MMS22L: variants seen among roughly 807,000 people sequenced by gnomAD.
The protein encoded by MMS22L is MMS22 like, DNA repair protein, also known as protein MMS22-like.
MMS22L carries 74 observed loss-of-function variants against 159.1 expected under a neutral mutation model. The ratio of observed to expected loss-of-function variants is 0.47; its 90% CI spans 0.39 to 0.56. The LOEUF is 0.56. Ranked by LOEUF, MMS22L falls within the 20% of genes least tolerant of loss-of-function variation. MMS22L has a pLI of 0.00. For synonymous variants in MMS22L, 517 were observed against 506.9 expected, an observed-to-expected ratio of 1.02 and a Z score of -0.27; for missense variants, 1,351 against 1,422.1, an observed-to-expected ratio of 0.95 and a Z score of 0.80.
chr6:97,152,690 G>A lies in MMS22L; in HGVS notation c.3386-823C>T, dbSNP rs1801432381. 2.6e-5 allele frequency among the ~76,000 whole-genome samples: 4 copies of A among 152,040 alleles called. No homozygotes were observed. The South Asian group carries it at 8.3e-4, about 32-fold the overall frequency. On this transcript the variant is annotated intron_variant, in intron 22 of 24. Coordinates refer to ENST00000683635, the MANE Select transcript of MMS22L (RefSeq NM_001350599.2). ...AGGTAGTAGAGAATGTTTTCCATGC[G>A]ATGAGGCTCGTGGCTAAGGAACACA...
intron 14 of MMS22L, among the ~76,000 whole-genome samples, chr6:97,198,532 G>C (rs922169581): frequency 2.0e-5 from 3 of 152,108 alleles, no homozygotes; most frequent in Admixed American, 2.0e-4. Flanking sequence ...GCTCTAAAGG[G>C]CATATAAGAA....
chr6:97,216,121 T>C (rs936576889), intron 14 of MMS22L, among the ~76,000 whole-genome samples: 2 of 152,164 alleles, frequency 1.3e-5, no homozygotes, highest in African/African-American at 2.4e-5. Context: ...CTGCTTCCCA[T>C]AAACAATATG....
intron 15 of MMS22L, among the ~76,000 whole-genome samples, chr6:97,183,508 T>C (rs980147862): frequency 6.6e-6 from 1 of 152,166 alleles, no homozygotes; most frequent in Non-Finnish European, 1.5e-5. Flanking sequence ...AGCATTCCTA[T>C]GACATTTCCC....
intron 4 of MMS22L, among the ~76,000 whole-genome samples, chr6:97,277,862 T>C (rs1816390934): frequency 6.6e-6 from 1 of 152,198 alleles, no homozygotes; most frequent in Non-Finnish European, 1.5e-5. Context: ...CATAATCTAA[T>C]AAACCTCTGT....
Position 97,186,496 on chromosome 6 carries a change from C to A in MMS22L, c.2233+1G>T. 6.2e-7 allele frequency: 1 copy of A among 1,610,440 alleles called. No individual in the cohort carries two copies. The highest frequency in any genetic ancestry group is 8.5e-7 in the Non-Finnish European group (1 of 1,178,488). The stretch of plus-strand genomic sequence containing the variant: ...TTAGCAAATTAATAATTAATGCTGA[C>A]CTGCAGCTGCATCCGCAAGTTGTGA... On this transcript the variant is annotated splice_donor_variant, in intron 15 of 24. Coordinates refer to ENST00000683635, the MANE Select transcript of MMS22L (RefSeq NM_001350599.2). LOFTEE classifies it high-confidence loss of function.
chr6:97,202,342 T>C (rs1266305855), intron 14 of MMS22L, among the ~76,000 whole-genome samples: 1 of 152,168 alleles, frequency 6.6e-6, no homozygotes, highest in Non-Finnish European at 1.5e-5. Flanking sequence ...CTCTATCCAC[T>C]TGCCTGAGAT....
chr6:97,271,494 A>G (rs1256088006), intron 6 of MMS22L: 1 of 152,116 alleles, frequency 6.6e-6, no homozygotes, highest in Non-Finnish European at 1.5e-5. Context: ...TCAACAATCT[A>G]CTCATGAATC....
At chr6:97,147,180 A>G (rs1447011232) in intron 24 of MMS22L, among the ~76,000 whole-genome samples, 2 of 152,180 alleles carry the variant, frequency 1.3e-5, no homozygotes, top group Non-Finnish European at 2.9e-5. Context: ...AATAAAATGC[A>G]TTCATGGAAT....
At chr6:97,275,251 G>A (rs1323433602) in intron 4 of MMS22L, among the ~76,000 whole-genome samples, 2 of 152,156 alleles carry the variant, frequency 1.3e-5, no homozygotes, top group Non-Finnish European at 2.9e-5. Context: ...ATTATTGGCC[G>A]GGCATGGTGG....
Position 97,281,262 on chromosome 6 carries a change from A to G in MMS22L, c.265T>C (p.Ser89Pro). Residue 89 changes from serine (S) to proline (P), a missense_variant, in exon 3 of 25, where the codon TCT (serine) becomes CCT (proline). Transcript: ENST00000683635. ...WVTETALVNS[S>P]RELFHLFRQQ... ...CTGAATAAATGAAAGAGTTCTCTAG[A>G]TGAATTCACTAATGCTGTTTCAGTA... 6.2e-7 allele frequency: 1 copy of G among 1,610,098 alleles called. No homozygotes were observed. The highest frequency in any genetic ancestry group is 8.5e-7 in the Non-Finnish European group (1 of 1,179,102).
intron 4 of MMS22L, among the ~76,000 whole-genome samples, chr6:97,273,980 T>C (rs184130275): frequency 5.4e-4 from 82 of 152,350 alleles, no homozygotes; most frequent in African/African-American, 1.9e-3. Context: ...AATAATAATT[T>C]ATAAAGCTCT....
At chr6:97,152,952 C>T (rs1251652905) in intron 22 of MMS22L, among the ~76,000 whole-genome samples, 1 of 151,844 alleles carries the variant, frequency 6.6e-6, no homozygotes, top group Non-Finnish European at 1.5e-5. Flanking sequence ...CCTCCCACCT[C>T]AGCCTCTCAA....
intron 6 of MMS22L, chr6:97,271,600 T>C (rs1191970652): frequency 3.3e-5 from 5 of 152,230 alleles, no homozygotes; most frequent in Non-Finnish European, 7.3e-5. Flanking sequence ...TTGCTTTTAT[T>C]ATTACATATA....
chr6:97,268,934 T>C (rs997394719), intron 7 of MMS22L, among the ~76,000 whole-genome samples: 3 of 151,758 alleles, frequency 2.0e-5, no homozygotes, highest in African/African-American at 7.3e-5. Flanking sequence ...TATGTATTTA[T>C]TAACAGAAAA....
intron 22 of MMS22L, among the ~76,000 whole-genome samples, chr6:97,156,270 G>C (rs952933470): frequency 6.6e-6 from 1 of 152,102 alleles, no homozygotes; most frequent in Admixed American, 6.6e-5. Context: ...TCATTCTGTA[G>C]GTTGCCTGTT....
rs1048702573 is a variant in MMS22L at position 97,143,051 on chromosome 6, C to T, written c.*3755G>A. On this transcript the variant is annotated 3_prime_UTR_variant, in exon 25 of 25. Coordinates refer to ENST00000683635, the MANE Select transcript of MMS22L (RefSeq NM_001350599.2). ...GACTTTTCCACAGTCCTCCATGCTTCCTTCCTTGCCATGGAAACGTTCTAA... is the reference window on the plus strand; with the variant it reads ...GACTTTTCCACAGTCCTCCATGCTTTCTTCCTTGCCATGGAAACGTTCTAA... The T allele has an allele frequency of 2.0e-5, 3 of 152,582 alleles. No homozygotes were observed. Among genetic ancestry groups the T allele is most frequent in the Non-Finnish European group, 4.4e-5 (3 of 68,020 alleles). 9.5% of individuals were successfully genotyped at this position (152,582 alleles called of 1,614,324 possible).
chr6:97,254,617 C>A lies in MMS22L; in HGVS notation c.1059G>T (p.Trp353Cys). 1.9e-6 allele frequency: 3 copies of A among 1,613,550 alleles called. No individual in the cohort carries two copies. The highest frequency in any genetic ancestry group is 2.5e-6 in the Non-Finnish European group (3 of 1,179,722). The change falls in exon 10 of 25, where the codon TGG becomes TGT. Residue 353 changes from tryptophan to cysteine, a missense_variant. Trp to Cys is a radical substitution (Grantham distance 215, BLOSUM62 -2). Coordinates refer to ENST00000683635, the MANE Select transcript of MMS22L (RefSeq NM_001350599.2). ...AAAATGATGCTACATGAGTAATAATCCACCAACTAAAACCTAATGGATCCC... is the reference window on the plus strand; with the variant it reads ...AAAATGATGCTACATGAGTAATAATACACCAACTAAAACCTAATGGATCCC... ...QSRDPLGFSW[W>C]IITHVASFYK...
rs373690872 is a variant in MMS22L, at chr6:97,278,816, T to C, written c.340+33A>G. The C allele has an allele frequency of 3.1e-6, 5 of 1,592,128 alleles. No homozygotes were observed. The African/African-American group carries it at 6.7e-5, about 21-fold the overall frequency. ...TGCAACTCACTATAATGAAGCACCA[T>C]TCCCTTTTGCATTAAACACACCTTA... On this transcript the variant is annotated intron_variant, in intron 4 of 24. Transcript: ENST00000683635.
intron 14 of MMS22L, among the ~76,000 whole-genome samples, chr6:97,198,455 C>G (rs552319853): frequency 6.6e-6 from 1 of 152,228 alleles, no homozygotes; most frequent in Admixed American, 6.5e-5. Context: ...CCTACAGAAT[C>G]TGTAAGCATA....
Sources: allele counts gnomAD v4.1 joint callset (sites outside exome capture counted in the v4.1 genomes callset), GRCh38; gene constraint gnomAD v4.1.1; transcripts MANE v1.5; gene names NCBI Gene and HGNC (gene_info 2026-07-23, HGNC 2026-07-21).